ITGA9: variants seen among roughly 807,000 people sequenced by gnomAD.
ITGA9 encodes integrin alpha-9.
ITGA9 carries 56 observed loss-of-function variants against 127.8 expected under a neutral mutation model. The observed-to-expected ratio is 0.44, with a 90% confidence interval of 0.35 to 0.55. ITGA9 has a LOEUF of 0.55. Among genes scored for constraint, ITGA9 ranks in the 20% least tolerant of loss-of-function variants. The pLI is 0.00. For synonymous variants in ITGA9, 508 were observed against 514.5 expected (o/e 0.99, Z 0.17); for missense variants, 1,196 against 1,347.1 (o/e 0.89, Z 1.76).
At chr3:37,667,636 G>A (rs571762928) in intron 17 of ITGA9, among the ~76,000 whole-genome samples, 1 of 152,304 alleles carries the variant, frequency 6.6e-6, no homozygotes, top group South Asian at 2.1e-4. Context: ...CCCCTCAATT[G>A]TCTTACAAAG....
At chr3:37,506,210 A>G in intron 7 of ITGA9, 125 bp downstream of exon 7, 1 of 760,874 alleles carries the variant, frequency 1.3e-6, no homozygotes, top group South Asian at 1.5e-5. Flanking sequence ...TGGGGAGGTG[A>G]TGAGGAACCC....
At chr3:37,482,393 C>T (rs1036517285) in intron 4 of ITGA9, among the ~76,000 whole-genome samples, 1 of 152,204 alleles carries the variant, frequency 6.6e-6, no homozygotes, top group African/African-American at 2.4e-5. Context: ...ACTATTTAGC[C>T]CAGTCGAATC....
chr3:37,545,982 C>A (rs1699322609), intron 15 of ITGA9, among the ~76,000 whole-genome samples: 1 of 152,218 alleles, frequency 6.6e-6, no homozygotes, highest in African/African-American at 2.4e-5. Flanking sequence ...GTAGAACCAT[C>A]TACCACCTGC....
chr3:37,615,009 A>G (rs1164380213), intron 15 of ITGA9, among the ~76,000 whole-genome samples: 1 of 152,134 alleles, frequency 6.6e-6, no homozygotes, highest in African/African-American at 2.4e-5. Context: ...TATGTTGAAT[A>G]GGAGTGGTGG....
chr3:37,507,651 C>T (rs1398937895), intron 7 of ITGA9, among the ~76,000 whole-genome samples: 1 of 152,160 alleles, frequency 6.6e-6, no homozygotes, highest in Non-Finnish European at 1.5e-5. Context: ...AATTAGACCA[C>T]CTGAGAGGCA....
At chr3:37,700,169 A>C (rs1216533638) in intron 18 of ITGA9, among the ~76,000 whole-genome samples, 1 of 152,074 alleles carries the variant, frequency 6.6e-6, no homozygotes, top group African/African-American at 2.4e-5. Context: ...TTTTTAGTAG[A>C]GATGGGGTTT....
intron 4 of ITGA9, among the ~76,000 whole-genome samples, chr3:37,490,503 G>A (rs55920657): frequency 0.025 from 3,803 of 152,272 alleles, 128 homozygotes; most frequent in African/African-American, 0.076. Context: ...TTGAAAGACA[G>A]AACTTTCTCA....
chr3:37,578,819 G>A (rs1347506894), intron 15 of ITGA9, among the ~76,000 whole-genome samples: 1 of 108,376 alleles, frequency 9.2e-6, no homozygotes, highest in East Asian at 3.1e-4. Flanking sequence ...CATCATGATG[G>A]GAGGGAAGAA....
At chr3:37,619,928 A>G (rs1381198535) in intron 15 of ITGA9, among the ~76,000 whole-genome samples, 1 of 152,104 alleles carries the variant, frequency 6.6e-6, no homozygotes, top group Non-Finnish European at 1.5e-5. Flanking sequence ...CTCTCCAAGG[A>G]TTCTTGACAC....
intron 3 of ITGA9, among the ~76,000 whole-genome samples, chr3:37,474,669 C>T (rs1182026341): frequency 1.3e-5 from 2 of 152,180 alleles, no homozygotes; most frequent in African/African-American, 2.4e-5. Context: ...TTTCTCTTGC[C>T]CTTGACTTTT....
At chr3:37,689,122 A>G (rs1454881725) in intron 18 of ITGA9, among the ~76,000 whole-genome samples, 9 of 152,312 alleles carry the variant, frequency 5.9e-5, no homozygotes, top group Non-Finnish European at 1.2e-4. Context: ...CAGAGACTCA[A>G]GGCCCAGGCC....
chr3:37,562,841 T>A (rs1298517110), intron 15 of ITGA9, among the ~76,000 whole-genome samples: 1 of 152,164 alleles, frequency 6.6e-6, no homozygotes, highest in African/African-American at 2.4e-5. Context: ...GCTTGTTTAA[T>A]TAATGAGCCA....
chr3:37,799,827 C>T lies in ITGA9; in HGVS notation c.2890-3996C>T, dbSNP rs1697214860. 2.0e-5 allele frequency among the ~76,000 whole-genome samples: 3 copies of T among 152,158 alleles called. No homozygotes were observed. The highest frequency in any genetic ancestry group is 2.0e-4 in the Admixed American group (3 of 15,278). On this transcript the variant is annotated intron_variant, in intron 26 of 27. Coordinates refer to ENST00000264741, the MANE Select transcript of ITGA9 (RefSeq NM_002207.3). The surrounding 1 kb of genome is among the most constrained non-coding windows in gnomAD (Gnocchi z 4.0). Reference sequence around the variant, plus strand: ...TGTTTAGAAAGGTGTAGGGGCTTAACCAAGGATCACCCAGCTCATTGGTGG... The same window carrying T: ...TGTTTAGAAAGGTGTAGGGGCTTAATCAAGGATCACCCAGCTCATTGGTGG...
At chr3:37,510,294 G>A (rs1016245083) in intron 8 of ITGA9, among the ~76,000 whole-genome samples, 9 of 152,046 alleles carry the variant, frequency 5.9e-5, no homozygotes, top group South Asian at 2.1e-4. Flanking sequence ...ATGAGCCACC[G>A]CACCTGGCCA....
intron 15 of ITGA9, among the ~76,000 whole-genome samples, chr3:37,628,098 C>T (rs1700193717): frequency 6.6e-6 from 1 of 152,308 alleles, no homozygotes; most frequent in African/African-American, 2.4e-5. Flanking sequence ...CTCATCTCTG[C>T]ACTTGTGGCC....
rs545554542 is a variant in ITGA9, at chr3:37,605,517, A to G, written c.1690-23670A>G. On this transcript the variant is annotated intron_variant, in intron 15 of 27. Coordinates refer to ENST00000264741, the MANE Select transcript of ITGA9 (RefSeq NM_002207.3). The stretch of plus-strand genomic sequence containing the variant: ...ATTCTAATTCTGCCTCTGCTACTTC[A>G]TTCCTATGCAACTTTGGGCAGGTTT... Among the ~76,000 whole-genome samples, 3 of 152,310 alleles carry G rather than the reference A, an allele frequency of 2.0e-5. No individual in the cohort carries two copies. The South Asian group carries it at 6.2e-4, about 32-fold the overall frequency.
chr3:37,512,120 C>CCTTCTTTTCTTTTCTTTTCTTTTCT lies in ITGA9; in HGVS notation c.898-1643_898-1642insCTTCTTTTCTTTTCTTTTCTTTTCT, dbSNP rs1698929069. 3.3e-4 allele frequency among the ~76,000 whole-genome samples: 13 copies of CCTTCTTTTCTTTTCTTTTCTTTTCT among 39,450 alleles called. 3 individuals carry two copies. Among genetic ancestry groups the CCTTCTTTTCTTTTCTTTTCTTTTCT allele is most frequent in the African/African-American group, 4.9e-4 (4 of 8,222 alleles). The allele number at this position is 39,450 out of a possible 152,430, so 25.9% of individuals were successfully genotyped here. On this transcript the variant is annotated intron_variant, in intron 8 of 27. Coordinates refer to ENST00000264741, the MANE Select transcript of ITGA9 (RefSeq NM_002207.3). The stretch of plus-strand genomic sequence containing the variant: ...TCCTTCCTTCCTTCCTTCCTTCCTT[C>CCTTCTTTTCTTTTCTTTTCTTTTCT]TTTCTTTTCTTTTCTTTTCTTTTCT...
intron 15 of ITGA9, among the ~76,000 whole-genome samples, chr3:37,598,714 T>C (rs1699890360): frequency 6.6e-6 from 1 of 152,170 alleles, no homozygotes; most frequent in African/African-American, 2.4e-5. Flanking sequence ...CCCCCTCTGC[T>C]TACAAAACTT....
chr3:37,758,674 T>C (rs1035735551), intron 23 of ITGA9, among the ~76,000 whole-genome samples: 3 of 145,030 alleles, frequency 2.1e-5, no homozygotes, highest in Non-Finnish European at 4.5e-5. Flanking sequence ...GGAACAGGCA[T>C]GAGTCCCTGC....
Sources: allele counts gnomAD v4.1 joint callset (sites outside exome capture counted in the v4.1 genomes callset), GRCh38; gene constraint gnomAD v4.1.1; non-coding constraint Gnocchi (gnomAD v3.1); transcripts MANE v1.5; gene names NCBI Gene and HGNC (gene_info 2026-07-23, HGNC 2026-07-21).